Variants in IL12RB2 observed in about 807,000 individuals in gnomAD.
IL12RB2 encodes the protein interleukin 12 receptor subunit beta 2.
Under a neutral mutation model 89.4 loss-of-function variants are expected in IL12RB2, and 82 were observed. That is an observed-to-expected ratio of 0.92 (90% CI 0.77 to 1.10). IL12RB2 has a LOEUF of 1.10. Ranked by LOEUF, IL12RB2 falls within the 50% of genes least tolerant of loss-of-function variation. The probability of loss-of-function intolerance (pLI) is 0.00; values close to 1 mark genes in which losing one functional copy is unlikely to be tolerated. For missense variants in IL12RB2, 963 were observed against 1,031.9 expected (o/e 0.93, Z 0.92); for synonymous variants, 368 against 370.1 (o/e 0.99, Z 0.07).
intron 14 of IL12RB2, among the ~76,000 whole-genome samples, chr1:67,385,182 A>G (rs1413656185): frequency 6.6e-6 from 1 of 152,234 alleles, no homozygotes; most frequent in Non-Finnish European, 1.5e-5. Context: ...TATAAAGGAA[A>G]GAGGTTTAAT....
At chr1:67,346,989 C>G (rs879665480) in intron 9 of IL12RB2, among the ~76,000 whole-genome samples, 2 of 152,146 alleles carry the variant, frequency 1.3e-5, no homozygotes, top group African/African-American at 4.8e-5. Flanking sequence ...GTGCCAAGCA[C>G]TCTTTAAAAC....
intron 9 of IL12RB2, among the ~76,000 whole-genome samples, chr1:67,347,121 C>G (rs1297244178): frequency 6.6e-6 from 1 of 152,118 alleles, no homozygotes; most frequent in Non-Finnish European, 1.5e-5. Flanking sequence ...CAAGGTCATA[C>G]AGCTGCTATG....
At chr1:67,314,222 GA>G (rs1361528664) in intron 2 of IL12RB2, among the ~76,000 whole-genome samples, 1 of 152,174 alleles carries the variant, frequency 6.6e-6, no homozygotes, top group Non-Finnish European at 1.5e-5. Context: ...TTCCTCCCCT[GA>G]CTTTTTAAGT....
intron 1 of IL12RB2, among the ~76,000 whole-genome samples, chr1:67,309,105 T>C (rs1036937326): frequency 6.6e-6 from 1 of 151,884 alleles, no homozygotes; most frequent in African/African-American, 2.4e-5. Context: ...AAAGCTAAAT[T>C]AGTCCTTTTT....
intron 8 of IL12RB2, among the ~76,000 whole-genome samples, chr1:67,338,311 G>T (rs12410480): frequency 0.51 from 65,375 of 128,576 alleles, 17,987 homozygotes; most frequent in Middle Eastern, 0.62. Flanking sequence ...CATTCCAGCC[G>T]AGGCAACAGA....
chr1:67,334,254 T>G (rs1436080913), intron 8 of IL12RB2, among the ~76,000 whole-genome samples: 1 of 152,196 alleles, frequency 6.6e-6, no homozygotes, highest in African/African-American at 2.4e-5. Context: ...TTGATAACAG[T>G]CAAGCTTGGT....
At chr1:67,393,437 C>T (rs892090122) in intron 16 of IL12RB2, among the ~76,000 whole-genome samples, 1 of 152,184 alleles carries the variant, frequency 6.6e-6, no homozygotes, top group African/African-American at 2.4e-5. Context: ...AAACACCTCA[C>T]CTTGTGAAAA....
At chr1:67,350,444 A>ATG (rs1660703345) in intron 9 of IL12RB2, among the ~76,000 whole-genome samples, 1 of 152,136 alleles carries the variant, frequency 6.6e-6, no homozygotes, top group South Asian at 2.1e-4. Flanking sequence ...AAAAGGTTAT[A>ATG]TGTGTGTGTG....
At position 67,380,644 on chromosome 1, in the gene IL12RB2, A is replaced by C. The variant is rs117190090; in HGVS notation, c.1855+521A>C. On this transcript the variant is annotated intron_variant, in intron 14 of 16. Coordinates refer to ENST00000674203, the MANE Select transcript of IL12RB2 (RefSeq NM_001374259.2). ...CGAAGCACCACAAACTGAGTGGCCT[A>C]ATCAACAGAAATCTATTGTCTCACA... 2.0e-5 allele frequency among the ~76,000 whole-genome samples: 3 copies of C among 152,348 alleles called. No individual in the cohort carries two copies. The East Asian group carries it at 5.8e-4, about 29-fold the overall frequency.
At chr1:67,357,524 T>C (rs1661538184) in intron 10 of IL12RB2, among the ~76,000 whole-genome samples, 1 of 152,238 alleles carries the variant, frequency 6.6e-6, no homozygotes, top group South Asian at 2.1e-4. Flanking sequence ...ATACTTTGTC[T>C]ATTTAGAAAA....
rs568483650 is a variant in IL12RB2, at chr1:67,362,228, G to A, written c.1259-5597G>A. 2.2e-3 allele frequency among the ~76,000 whole-genome samples: 336 copies of A among 150,676 alleles called. 3 individuals are homozygous for A. The highest frequency in any genetic ancestry group is 3.6e-3 in the Non-Finnish European group (245 of 67,832). ...AGAGGTTGCAGTGAGCCAAAATCAC[G>A]CCACTGTACTCCAGCCTGGGTAACA... On this transcript the variant is annotated intron_variant, in intron 10 of 16. Coordinates refer to ENST00000674203, the MANE Select transcript of IL12RB2 (RefSeq NM_001374259.2).
At chr1:67,328,143 TAAGTAGA>T (rs1013543251) in intron 5 of IL12RB2, 50 bp from the exon 6 acceptor site, 11 of 1,148,460 alleles carry the variant, frequency 9.6e-6, no homozygotes, top group African/African-American at 3.0e-5. Context: ...TTTTCTACTG[TAAGTAGA>T]AAGTAGCACA....
intron 8 of IL12RB2, among the ~76,000 whole-genome samples, chr1:67,331,562 C>T (rs1224193698): frequency 2.0e-5 from 3 of 152,026 alleles, no homozygotes; most frequent in South Asian, 2.1e-4. Flanking sequence ...TCATTTAGGC[C>T]GGCATGGTCG....
chr1:67,329,771 T>C, intron 7 of IL12RB2, 42 bp downstream of exon 7: 3 of 1,359,748 alleles, frequency 2.2e-6, no homozygotes, highest in Non-Finnish European at 3.2e-6. Context: ...TGAAGCATTC[T>C]TAATATTGCT....
chr1:67,397,790 C>A lies in IL12RB2; in HGVS notation c.*1701C>A, dbSNP rs571744509. Among the ~76,000 whole-genome samples the A allele has an allele frequency of 6.6e-6, 1 of 152,330 alleles. No individual in the cohort carries two copies. The highest frequency in any genetic ancestry group is 1.9e-4 in the East Asian group (1 of 5,186). On this transcript the variant is annotated 3_prime_UTR_variant, in exon 17 of 17. Coordinates refer to ENST00000674203, the MANE Select transcript of IL12RB2 (RefSeq NM_001374259.2). Reference sequence around the variant, plus strand: ...CACCCCGTACCCCTTCCCACATGAACGCTGGAACTGAGATGGCTTCCCCAT... The same window carrying A: ...CACCCCGTACCCCTTCCCACATGAAAGCTGGAACTGAGATGGCTTCCCCAT...
intron 11 of IL12RB2, among the ~76,000 whole-genome samples, chr1:67,369,809 G>A (rs1228745319): frequency 2.6e-5 from 4 of 152,128 alleles, no homozygotes; most frequent in Non-Finnish European, 5.9e-5. Flanking sequence ...GGAGGCGGAG[G>A]TCAGGAGTTC....
chr1:67,367,825 G>A lies in IL12RB2; in HGVS notation c.1259G>A (p.Gly420Glu), dbSNP rs765425600. The change falls in exon 11 of 17, where the codon GGG becomes GAG. Residue 420 changes from glycine (G) to glutamate (E), a missense_variant and splice_region_variant. Gly to Glu is a moderately conservative substitution (Grantham distance 98). Transcript: ENST00000674203. The stretch of plus-strand genomic sequence containing the variant: ...TTTCTCCTCTTTCTGTCCGATAAAG[G>A]GTTGCTGGCTCCTCGCCAGGTCTCT... ...RINIMNLCEA[G>E]LLAPRQVSAN... 2.0e-6 allele frequency: 3 copies of A among 1,530,834 alleles called. No homozygotes were observed. The highest frequency in any genetic ancestry group is 1.1e-5 in the South Asian group (1 of 89,304). The allele number at this position is 1,530,834 out of a possible 1,614,324, so 94.8% of individuals were successfully genotyped here.
chr1:67,328,269 T>C lies in IL12RB2; in HGVS notation c.549T>C (p.Phe183=), dbSNP rs763793640. The change falls in exon 6 of 17, where the codon TTT becomes TTC. Residue 183 remains phenylalanine, a synonymous_variant. Transcript: ENST00000674203. ...ACATTTATTGTGACTATTTGGACTT[T>C]GGAATCAACCTCACCCCTGAATCAC... ...CKDIYCDYLD[F]GINLTPESPE... 1 of 1,614,208 alleles carries C rather than the reference T, an allele frequency of 6.2e-7. No homozygotes were observed. The highest frequency in any genetic ancestry group is 2.2e-5 in the East Asian group (1 of 44,882).
intron 10 of IL12RB2, among the ~76,000 whole-genome samples, chr1:67,363,671 TAAG>T (rs1349930710): frequency 3.9e-5 from 6 of 152,202 alleles, no homozygotes; most frequent in Non-Finnish European, 8.8e-5. Flanking sequence ...TAGCAAGGGA[TAAG>T]AAGGAGGACT....
Sources: gnomAD v4.1 joint callset for allele counts (sites outside exome capture counted in the v4.1 genomes callset) on GRCh38, gnomAD v4.1.1 for gene constraint, MANE v1.5 for transcripts, NCBI Gene and HGNC (gene_info 2026-07-23, HGNC 2026-07-21) for gene names.